FER: variants seen among roughly 807,000 people sequenced by gnomAD.
The protein encoded by FER is tyrosine-protein kinase Fer.
FER carries 63 observed loss-of-function variants against 111.0 expected under a neutral mutation model. That is an observed-to-expected ratio of 0.57 (90% CI 0.46 to 0.70). FER has a LOEUF of 0.70. FER is among the 30% of genes least tolerant of loss of function. The pLI is 0.00. For synonymous variants in FER, 327 were observed against 313.9 expected (o/e 1.04, Z -0.44); for missense variants, 914 against 954.0 (o/e 0.96, Z 0.55).
At chr5:108,848,787 T>C (rs901413316) in intron 5 of FER, among the ~76,000 whole-genome samples, 1 of 152,150 alleles carries the variant, frequency 6.6e-6, no homozygotes, top group Non-Finnish European at 1.5e-5. Flanking sequence ...TATCTATGTC[T>C]CTATTTCTAT....
chr5:108,794,526 A>ACCCCCC (rs138716410), intron 2 of FER, among the ~76,000 whole-genome samples: 165 of 106,364 alleles, frequency 1.6e-3, no homozygotes, highest in Non-Finnish European at 2.0e-3. Context: ...CCCCCTCCGC[A>ACCCCCC]CCCCCCCCCC....
At chr5:108,895,965 C>T (rs566266103) in intron 9 of FER, among the ~76,000 whole-genome samples, 2 of 151,648 alleles carry the variant, frequency 1.3e-5, no homozygotes, top group Admixed American at 6.6e-5. Flanking sequence ...TTATGAAATT[C>T]GTTTGTGTAA....
intron 13 of FER, among the ~76,000 whole-genome samples, chr5:109,012,184 G>A (rs576889389): frequency 6.6e-6 from 1 of 152,142 alleles, no homozygotes; most frequent in Non-Finnish European, 1.5e-5. Flanking sequence ...GTGTATTCAC[G>A]TATGCCAGCC....
In FER at chr5:108,798,134, A is replaced by G. The variant is rs757218207; in HGVS notation, c.-49A>G. Reference sequence around the variant, plus strand: ...TGTTTACATACACAGATATGTGCTGATTAGAAGGCTCACTTGTGCAGTGTG... The same window carrying G: ...TGTTTACATACACAGATATGTGCTGGTTAGAAGGCTCACTTGTGCAGTGTG... On this transcript the variant is annotated 5_prime_UTR_variant, in exon 3 of 20. It removes the in-frame stop codon of an upstream open reading frame in the 5' UTR. Transcript: ENST00000281092. 2.5e-5 allele frequency: 35 copies of G among 1,415,578 alleles called. No individual in the cohort carries two copies. The highest frequency in any genetic ancestry group is 3.4e-5 in the Admixed American group (2 of 58,390). 87.7% of individuals were successfully genotyped at this position (1,415,578 alleles called of 1,614,324 possible).
chr5:109,001,286 T>C (rs1236425983), intron 13 of FER, among the ~76,000 whole-genome samples: 1 of 152,192 alleles, frequency 6.6e-6, no homozygotes, highest in East Asian at 1.9e-4. Context: ...TTATCCACCA[T>C]GATCAAGTGG....
intron 10 of FER, chr5:108,924,699 G>C: frequency 8.1e-7 from 1 of 1,232,084 alleles, no homozygotes; most frequent in Non-Finnish European, 1.0e-6. Context: ...GTAAGGATCA[G>C]CTGGAGTCTG....
At chr5:109,105,524 T>C (rs1748804926) in intron 17 of FER, among the ~76,000 whole-genome samples, 2 of 152,142 alleles carry the variant, frequency 1.3e-5, no homozygotes, top group African/African-American at 4.8e-5. Flanking sequence ...TTCTGTGACG[T>C]TTTGAACCCT....
intron 13 of FER, among the ~76,000 whole-genome samples, chr5:108,987,910 A>G (rs112449343): frequency 0.19 from 28,186 of 152,000 alleles, 2,821 homozygotes; most frequent in Non-Finnish European, 0.22. Flanking sequence ...TTCCCATTCA[A>G]TATTATGTTG....
intron 16 of FER, among the ~76,000 whole-genome samples, chr5:109,061,239 A>G (rs1041986620): frequency 6.6e-6 from 1 of 152,190 alleles, no homozygotes; most frequent in Non-Finnish European, 1.5e-5. Context: ...GAAACCTCTG[A>G]TAAACTTTAA....
At chr5:108,978,701 A>C (rs1761680388) in intron 13 of FER, among the ~76,000 whole-genome samples, 2 of 152,348 alleles carry the variant, frequency 1.3e-5, no homozygotes, top group South Asian at 4.1e-4. Flanking sequence ...AGAATGTTTT[A>C]AAGAACAGAA....
chr5:108,834,057 T>G (rs1368357997), intron 4 of FER, among the ~76,000 whole-genome samples: 1 of 152,192 alleles, frequency 6.6e-6, no homozygotes, highest in East Asian at 1.9e-4. Flanking sequence ...TTAAAAAATA[T>G]GTAGGTTCTC....
At chr5:108,844,666 C>T (rs1048055574) in intron 5 of FER, among the ~76,000 whole-genome samples, 4 of 151,914 alleles carry the variant, frequency 2.6e-5, no homozygotes, top group Non-Finnish European at 5.9e-5. Context: ...TGTGATCTTC[C>T]GTCTTCTATC....
chr5:108,944,344 A>G (rs1168159984), intron 10 of FER, among the ~76,000 whole-genome samples: 2 of 152,092 alleles, frequency 1.3e-5, no homozygotes, highest in East Asian at 3.9e-4. Flanking sequence ...TCACCCCTTC[A>G]TTAGTCCCCT....
chr5:108,992,996 G>A (rs577075853), intron 13 of FER, among the ~76,000 whole-genome samples: 2 of 150,502 alleles, frequency 1.3e-5, no homozygotes, highest in African/African-American at 4.9e-5. Context: ...CCGGGAAGAG[G>A]CGCTCCTCAC....
At chr5:108,996,774 A>G (rs1459040117) in intron 13 of FER, among the ~76,000 whole-genome samples, 1 of 152,176 alleles carries the variant, frequency 6.6e-6, no homozygotes, top group Non-Finnish European at 1.5e-5. Context: ...TGCAATTTAA[A>G]GTAGTTTTTT....
chr5:109,082,971 C>CA (rs1389040108), intron 16 of FER, among the ~76,000 whole-genome samples: 66 of 150,766 alleles, frequency 4.4e-4, no homozygotes, highest in Admixed American at 5.3e-4. Context: ...CTGAACCCCC[C>CA]AAAAAAAGAA....
At chr5:108,811,210 T>C (rs1435511458) in intron 3 of FER, among the ~76,000 whole-genome samples, 1 of 150,558 alleles carries the variant, frequency 6.6e-6, no homozygotes, top group East Asian at 2.0e-4. Flanking sequence ...GATCTGTGAA[T>C]GGGAAGGGTG....
intron 1 of FER, among the ~76,000 whole-genome samples, chr5:108,761,363 G>T (rs1245595004): frequency 6.6e-6 from 1 of 152,126 alleles, no homozygotes; most frequent in Non-Finnish European, 1.5e-5. Flanking sequence ...ATATCAAATT[G>T]TTGTGTCTCA....
intron 10 of FER, among the ~76,000 whole-genome samples, chr5:108,926,447 G>T (rs981788493): frequency 9.2e-5 from 14 of 152,010 alleles, no homozygotes; most frequent in Admixed American, 7.2e-4. Flanking sequence ...AATAGAATAA[G>T]AATTTTTGCT....
Sources: gnomAD v4.1 joint callset for allele counts (sites outside exome capture counted in the v4.1 genomes callset) on GRCh38, gnomAD v4.1.1 for gene constraint, MANE v1.5 for transcripts, NCBI Gene and HGNC (gene_info 2026-07-23, HGNC 2026-07-21) for gene names.